Variants in MAP9 observed in about 807,000 individuals in gnomAD.
MAP9 encodes the protein microtubule-associated protein 9.
MAP9 carries 80 observed loss-of-function variants against 75.2 expected under a neutral mutation model. The ratio of observed to expected loss-of-function variants is 1.06; its 90% CI spans 0.89 to 1.28. The LOEUF (loss-of-function observed/expected upper bound fraction) is 1.28. MAP9 is among the 50% of genes most tolerant of loss of function. The probability of loss-of-function intolerance (pLI) is 0.00; values close to 1 mark genes in which losing one functional copy is unlikely to be tolerated. For synonymous variants in MAP9, 235 were observed against 237.3 expected, an observed-to-expected ratio of 0.99 and a Z score of 0.09; for missense variants, 753 against 719.9, an observed-to-expected ratio of 1.05 and a Z score of -0.53.
chr4:155,348,242 T>TA (rs1553965018), intron 13 of MAP9, among the ~76,000 whole-genome samples: 2 of 150,416 alleles, frequency 1.3e-5, no homozygotes, highest in African/African-American at 4.9e-5. Context: ...GAGGCTGAGA[T>TA]GGGAGGATTG....
At position 155,346,028 on chromosome 4, in the gene MAP9, T is replaced by C. The variant is rs1731274361; in HGVS notation, c.*1755A>G. The stretch of plus-strand genomic sequence containing the variant: ...AGATCAATTTCATAAAGTATTACAG[T>C]TCTGGCCATATAGAAAGGGTTCTAG... On this transcript the variant is annotated 3_prime_UTR_variant, in exon 14 of 14. Transcript: ENST00000311277. 1 of 152,158 alleles carries C rather than the reference T, an allele frequency of 6.6e-6. No individual in the cohort carries two copies. The highest frequency in any genetic ancestry group is 1.5e-5 in the Non-Finnish European group (1 of 68,014). The allele number at this position is 152,158 out of a possible 1,614,324, so 9.4% of individuals were successfully genotyped here.
chr4:155,356,541 T>G (rs1027633315), intron 8 of MAP9, among the ~76,000 whole-genome samples: 1 of 152,190 alleles, frequency 6.6e-6, no homozygotes, highest in Admixed American at 6.5e-5. Context: ...TAGGTTATAA[T>G]CACTCTTTTA....
intron 13 of MAP9, among the ~76,000 whole-genome samples, chr4:155,348,933 C>G (rs914075336): frequency 2.0e-5 from 3 of 152,052 alleles, no homozygotes; most frequent in Non-Finnish European, 4.4e-5. Flanking sequence ...TTTTTAAAAT[C>G]CCAACACACA....
intron 5 of MAP9, among the ~76,000 whole-genome samples, chr4:155,367,867 A>T (rs1244500748): frequency 6.6e-6 from 1 of 152,254 alleles, no homozygotes; most frequent in Non-Finnish European, 1.5e-5. Flanking sequence ...AAGCGATGAG[A>T]AAAAGAAAGA....
chr4:155,359,181 A>G (rs1370036444), intron 7 of MAP9, among the ~76,000 whole-genome samples: 5 of 150,392 alleles, frequency 3.3e-5, no homozygotes, highest in Non-Finnish European at 7.4e-5. Flanking sequence ...AGTGTACATC[A>G]ACATATGATT....
intron 2 of MAP9, 62 bp from the exon 3 acceptor site, chr4:155,375,083 T>C: frequency 8.3e-7 from 1 of 1,206,370 alleles, no homozygotes; most frequent in Non-Finnish European, 1.2e-6. Context: ...TCACAAGTAA[T>C]TCTTTAAACA....
Position 155,347,825 on chromosome 4 carries a change from C to T in MAP9, c.1902G>A (p.Pro634=), listed in dbSNP as rs377550755. 44 of 1,610,112 alleles carry T rather than the reference C, an allele frequency of 2.7e-5. No individual in the cohort carries two copies. The highest frequency in any genetic ancestry group is 1.5e-4 in the African/African-American group (11 of 74,718). ...ACACAGTTCTGCTTGGAGGGCTCCACGGAGGAAGTGCCTCACTTTCAAGAA... is the reference window on the plus strand; with the variant it reads ...ACACAGTTCTGCTTGGAGGGCTCCATGGAGGAAGTGCCTCACTTTCAAGAA... The part of the protein sequence containing the change: ...HSFLESEALP[P]WSPPSRTVFA... Residue 634 remains proline (P), a synonymous_variant, in exon 14 of 14, where the codon CCG becomes CCA. Transcript: ENST00000311277.
intron 1 of MAP9, 74 bp downstream of exon 1, chr4:155,376,697 G>T (rs1732864025): frequency 6.5e-6 from 1 of 153,224 alleles, no homozygotes; most frequent in Non-Finnish European, 1.5e-5. Flanking sequence ...TTCTGTTCCC[G>T]GCCCCGGACG....
In MAP9 at chr4:155,343,069, T is replaced by C. The variant is rs1731168920; in HGVS notation, c.*4714A>G. 1 of 151,968 alleles carries C rather than the reference T, an allele frequency of 6.6e-6. No homozygotes were observed. The highest frequency in any genetic ancestry group is 2.1e-4 in the South Asian group (1 of 4,830). The allele number at this position is 151,968 out of a possible 1,614,324, so 9.4% of individuals were successfully genotyped here. ...AAAATTATATTAGCATGGAAATATGTTCATGATATATCACTGAGTGAAAAA... is the reference window on the plus strand; with the variant it reads ...AAAATTATATTAGCATGGAAATATGCTCATGATATATCACTGAGTGAAAAA... On this transcript the variant is annotated 3_prime_UTR_variant, in exon 14 of 14. Transcript: ENST00000311277.
chr4:155,370,736 C>A (rs1475616240), intron 4 of MAP9, among the ~76,000 whole-genome samples: 2 of 152,194 alleles, frequency 1.3e-5, no homozygotes, highest in Non-Finnish European at 2.9e-5. Context: ...ACTATAGGCA[C>A]AATGTACAGC....
At position 155,368,714 on chromosome 4, in the gene MAP9, G is replaced by A. The variant is rs145624999; in HGVS notation, c.580C>T (p.Leu194=). The change falls in exon 5 of 14, where the codon CTA becomes TTA. Residue 194 remains leucine, a synonymous_variant. Transcript: ENST00000311277. ...CTGAGGGCAGTTTCTTTATCTTCTAGTCCATCCTTCTCCTCCATGTGACTT... is the reference window on the plus strand; with the variant it reads ...CTGAGGGCAGTTTCTTTATCTTCTAATCCATCCTTCTCCTCCATGTGACTT... ...KKSHMEEKDG[L]EDKETALSEE... 1.2e-6 allele frequency: 2 copies of A among 1,613,914 alleles called. No individual in the cohort carries two copies. Among genetic ancestry groups the A allele is most frequent in the African/African-American group, 2.7e-5 (2 of 74,914 alleles).
At chr4:155,376,450 C>T (rs1270349977) in intron 1 of MAP9, 1 of 152,244 alleles carries the variant, frequency 6.6e-6, no homozygotes, top group African/African-American at 2.4e-5. Flanking sequence ...CCAGACAAAA[C>T]GACGAAGCTT....
At chr4:155,359,624 C>T (rs1731974809) in intron 7 of MAP9, among the ~76,000 whole-genome samples, 1 of 151,884 alleles carries the variant, frequency 6.6e-6, no homozygotes, top group Admixed American at 6.6e-5. Context: ...CTGGAGGTTG[C>T]CAGGGCACCA....
intron 2 of MAP9, 126 bp downstream of exon 2, chr4:155,375,650 T>C: frequency 3.8e-6 from 2 of 521,220 alleles, no homozygotes; most frequent in Non-Finnish European, 6.6e-6. Flanking sequence ...CATGATCATG[T>C]GCAAAACCTC....
At chr4:155,359,896 T>C (rs1731989355) in intron 7 of MAP9, among the ~76,000 whole-genome samples, 1 of 152,078 alleles carries the variant, frequency 6.6e-6, no homozygotes, top group Admixed American at 6.6e-5. Context: ...ATATACACTA[T>C]GAGTATGCAT....
intron 13 of MAP9, among the ~76,000 whole-genome samples, chr4:155,352,105 C>A (rs1234491602): frequency 6.6e-6 from 1 of 151,960 alleles, no homozygotes; most frequent in Non-Finnish European, 1.5e-5. Context: ...TCCTCCTAAA[C>A]CTCAAACCTG....
At chr4:155,354,469 C>CTTTTTTT in intron 10 of MAP9, 1 of 65,030 alleles carries the variant, frequency 1.5e-5, no homozygotes, top group Non-Finnish European at 2.5e-5. Context: ...TCTTGTCGTG[C>CTTTTTTT]CTTTTTTTTT....
At position 155,345,059 on chromosome 4, in the gene MAP9, C is replaced by T. The variant is rs1731234682; in HGVS notation, c.*2724G>A. 1 of 151,908 alleles carries T rather than the reference C, an allele frequency of 6.6e-6. No homozygotes were observed. The highest frequency in any genetic ancestry group is 1.5e-5 in the Non-Finnish European group (1 of 67,890). The allele number at this position is 151,908 out of a possible 1,614,324, so 9.4% of individuals were successfully genotyped here. On this transcript the variant is annotated 3_prime_UTR_variant, in exon 14 of 14. Coordinates refer to ENST00000311277, the MANE Select transcript of MAP9 (RefSeq NM_001039580.2). ...CCTAATGAGTAAATATCTATATTGA[C>T]ATGACATACTTCCTAAGGAAATATG...
chr4:155,365,061 T>C (rs1732264157), intron 5 of MAP9, among the ~76,000 whole-genome samples: 1 of 151,986 alleles, frequency 6.6e-6, no homozygotes, highest in Non-Finnish European at 1.5e-5. Context: ...TTACATTAAA[T>C]GGACAAAACA....
Sources: allele counts gnomAD v4.1 joint callset (sites outside exome capture counted in the v4.1 genomes callset), GRCh38; gene constraint gnomAD v4.1.1; transcripts MANE v1.5; gene names NCBI Gene and HGNC (gene_info 2026-07-23, HGNC 2026-07-21).